Variants in DSCAM observed in about 807,000 individuals in gnomAD.
DSCAM encodes the protein DS cell adhesion molecule.
In DSCAM, 47 loss-of-function variants were observed where a neutral mutation model predicts 217.7. That is an observed-to-expected ratio of 0.22 (90% CI 0.17 to 0.28). DSCAM has a LOEUF of 0.28. Ranked by LOEUF, DSCAM falls within the 10% of genes least tolerant of loss-of-function variation. The pLI is 1.00. For missense variants in DSCAM, 2,080 were observed against 2,618.3 expected, an observed-to-expected ratio of 0.79 and a Z score of 4.49; for synonymous variants, 1,056 against 1,015.3, an observed-to-expected ratio of 1.04 and a Z score of -0.76.
chr21:40,263,288 A>T (rs2073478935), intron 11 of DSCAM, among the ~76,000 whole-genome samples: 1 of 152,216 alleles, frequency 6.6e-6, no homozygotes, highest in Non-Finnish European at 1.5e-5. Context: ...AAATAGACAA[A>T]ATCATGTTTA....
chr21:40,279,484 G>A (rs1217566730), intron 10 of DSCAM, among the ~76,000 whole-genome samples: 1 of 152,240 alleles, frequency 6.6e-6, no homozygotes, highest in Non-Finnish European at 1.5e-5. Flanking sequence ...AACAGATGCT[G>A]GAGAGGATGT....
chr21:40,412,158 GT>G (rs1380205007), intron 3 of DSCAM, among the ~76,000 whole-genome samples: 1 of 152,166 alleles, frequency 6.6e-6, no homozygotes, highest in Non-Finnish European at 1.5e-5. Context: ...TGTAGGTCCA[GT>G]TAAACCTCTT....
chr21:40,273,331 G>A (rs779806652), intron 11 of DSCAM, among the ~76,000 whole-genome samples: 1 of 152,136 alleles, frequency 6.6e-6, no homozygotes, highest in Non-Finnish European at 1.5e-5. Context: ...ATGAAGAGGT[G>A]CATTTAACTT....
chr21:40,743,151 T>A (rs185146048), intron 1 of DSCAM, among the ~76,000 whole-genome samples: 1 of 152,304 alleles, frequency 6.6e-6, no homozygotes, highest in African/African-American at 2.4e-5. Flanking sequence ...AGTGGCTGAA[T>A]CAACCACTTT....
At position 40,124,298 on chromosome 21, in the gene DSCAM, G is replaced by A. The variant is rs772047754; in HGVS notation, c.3593C>T (p.Ala1198Val). Reference sequence around the variant, plus strand: ...AAAGACCATGGAGGCTGAGGCCGCCGCTGCCTTCACACCCGCGGGAGGACC... The same window carrying A: ...AAAGACCATGGAGGCTGAGGCCGCCACTGCCTTCACACCCGCGGGAGGACC... Reference protein sequence around the residue: ...VPGPPAGVKAAAASASMVFVS... With the variant: ...VPGPPAGVKAVAASASMVFVS... The change falls in exon 20 of 33, where the codon GCG becomes GTG. Residue 1198 changes from alanine to valine, a missense_variant. Physicochemically the swap from Ala to Val is moderately conservative, Grantham distance 64 (BLOSUM62 0). Transcript: ENST00000400454. The A allele has an allele frequency of 6.2e-7, 1 of 1,613,910 alleles. No homozygotes were observed. The highest frequency in any genetic ancestry group is 8.5e-7 in the Non-Finnish European group (1 of 1,180,000).
intron 3 of DSCAM, among the ~76,000 whole-genome samples, chr21:40,645,451 T>C (rs186864888): frequency 6.6e-6 from 1 of 152,254 alleles, no homozygotes; most frequent in East Asian, 1.9e-4. Flanking sequence ...TGAATTAGGG[T>C]AAAATAGTGA....
At chr21:40,328,870 T>G (rs2123552002) in intron 8 of DSCAM, among the ~76,000 whole-genome samples, 1 of 152,278 alleles carries the variant, frequency 6.6e-6, no homozygotes, top group Non-Finnish European at 1.5e-5. Flanking sequence ...GAATAAACAT[T>G]TCTCAAAAGA....
intron 6 of DSCAM, among the ~76,000 whole-genome samples, chr21:40,342,388 T>C (rs2123603507): frequency 6.6e-6 from 1 of 152,016 alleles, no homozygotes; most frequent in East Asian, 1.9e-4. Flanking sequence ...ATGCTTTCTG[T>C]GTCCTAAGAA....
At chr21:40,416,389 A>T (rs1173153821) in intron 3 of DSCAM, among the ~76,000 whole-genome samples, 2 of 152,220 alleles carry the variant, frequency 1.3e-5, no homozygotes, top group Admixed American at 1.3e-4. Flanking sequence ...ATTTGTAGAA[A>T]TACCCTTGGT....
At chr21:40,484,721 C>T (rs2076010479) in intron 3 of DSCAM, among the ~76,000 whole-genome samples, 1 of 152,164 alleles carries the variant, frequency 6.6e-6, no homozygotes, top group Non-Finnish European at 1.5e-5. Flanking sequence ...ATGCAACTCT[C>T]TCTCCCTCAT....
chr21:40,517,107 C>A (rs2076307364), intron 3 of DSCAM, among the ~76,000 whole-genome samples: 1 of 147,638 alleles, frequency 6.8e-6, no homozygotes, highest in Non-Finnish European at 1.5e-5. Context: ...TATATACCCC[C>A]ACACATACCT....
rs565622220 is a variant in DSCAM, at chr21:40,290,639, T to A, written c.2182+5416A>T. 5.9e-4 allele frequency among the ~76,000 whole-genome samples: 90 copies of A among 151,966 alleles called. No individual in the cohort carries two copies. The South Asian group carries it at 9.0e-3, about 15-fold the overall frequency. Reference sequence around the variant, plus strand: ...CCATCACAAAAATAAAAAAAGAAAATAAACTACCAGACTTCAAAGTCAGCT... The same window carrying A: ...CCATCACAAAAATAAAAAAAGAAAAAAAACTACCAGACTTCAAAGTCAGCT... On this transcript the variant is annotated intron_variant, in intron 10 of 32. Transcript: ENST00000400454.
At chr21:40,372,996 C>T (rs536080103) in intron 3 of DSCAM, among the ~76,000 whole-genome samples, 4 of 149,360 alleles carry the variant, frequency 2.7e-5, no homozygotes, top group African/African-American at 7.4e-5. Flanking sequence ...GGGCATTAGC[C>T]CAGTAGGAAA....
chr21:40,270,245 T>C (rs2073597337), intron 11 of DSCAM, among the ~76,000 whole-genome samples: 1 of 152,236 alleles, frequency 6.6e-6, no homozygotes, highest in Non-Finnish European at 1.5e-5. Flanking sequence ...CAGAAATTTA[T>C]GCTTAAACAA....
At chr21:40,767,286 A>G (rs1601234989) in intron 1 of DSCAM, among the ~76,000 whole-genome samples, 2 of 152,214 alleles carry the variant, frequency 1.3e-5, no homozygotes, top group Admixed American at 1.3e-4. Context: ...AAAAATTTCA[A>G]TCTGAAATAA....
intron 3 of DSCAM, among the ~76,000 whole-genome samples, chr21:40,570,953 A>C (rs1360879630): frequency 2.6e-5 from 4 of 152,220 alleles, no homozygotes; most frequent in African/African-American, 7.2e-5. Flanking sequence ...AAAATATTTT[A>C]AGAGACAATA....
At chr21:40,612,806 G>A (rs933412364) in intron 3 of DSCAM, among the ~76,000 whole-genome samples, 2 of 152,194 alleles carry the variant, frequency 1.3e-5, no homozygotes, top group African/African-American at 4.8e-5. Flanking sequence ...GAATATGGAA[G>A]GCAGTGGCTG....
chr21:40,414,588 TTC>T (rs1177013882), intron 3 of DSCAM, among the ~76,000 whole-genome samples: 2 of 152,346 alleles, frequency 1.3e-5, no homozygotes, highest in East Asian at 3.9e-4. Flanking sequence ...GTCCCTATTT[TTC>T]TCTTTCTTTT....
intron 3 of DSCAM, among the ~76,000 whole-genome samples, chr21:40,655,446 CTT>C (rs376852214): frequency 7.9e-5 from 11 of 138,800 alleles, no homozygotes; most frequent in Non-Finnish European, 1.1e-4. Flanking sequence ...ATCTGTCTCT[CTT>C]TTTTTTTTTT....
Sources: allele counts gnomAD v4.1 joint callset (sites outside exome capture counted in the v4.1 genomes callset), GRCh38; gene constraint gnomAD v4.1.1; transcripts MANE v1.5; gene names NCBI Gene and HGNC (gene_info 2026-07-23, HGNC 2026-07-21).